Variants in NPHP3 observed in about 807,000 individuals in gnomAD.
The protein encoded by NPHP3 is nephrocystin 3.
A neutral mutation model predicts 171.9 loss-of-function variants in NPHP3; 123 were observed. That is an observed-to-expected ratio of 0.72 (90% confidence interval 0.62 to 0.83). The LOEUF (loss-of-function observed/expected upper bound fraction) is 0.83. NPHP3 is among the 40% of genes least tolerant of loss of function. The pLI, the probability that NPHP3 is intolerant of heterozygous loss-of-function variation, is 0.00. For synonymous variants in NPHP3, 558 were observed against 579.2 expected (o/e 0.96, Z 0.52); for missense variants, 1,506 against 1,591.9 (o/e 0.95, Z 0.92).
chr3:132,686,285 G>C lies in NPHP3; in HGVS notation c.3304C>G (p.Leu1102Val), dbSNP rs779376432. 20 of 1,613,606 alleles carry C rather than the reference G, an allele frequency of 1.2e-5. No homozygotes were observed. The highest frequency in any genetic ancestry group is 1.7e-5 in the Non-Finnish European group (20 of 1,179,710). ...NARTLNELGV[L>V]YYLQNNLETA... Reference sequence around the variant, plus strand: ...TCCAGGTTATTTTGAAGATAGTAGAGAACACCCAGTTCATTGAGGGTCCGA... The same window carrying C: ...TCCAGGTTATTTTGAAGATAGTAGACAACACCCAGTTCATTGAGGGTCCGA... The change falls in exon 23 of 27, where the codon CTC becomes GTC. Residue 1102 changes from leucine to valine, a missense_variant. Physicochemically the swap from Leu to Val is conservative, Grantham distance 32. Coordinates refer to ENST00000337331, the MANE Select transcript of NPHP3 (RefSeq NM_153240.5).
chr3:132,686,754 T>C (rs977927544), intron 22 of NPHP3, among the ~76,000 whole-genome samples: 9 of 152,194 alleles, frequency 5.9e-5, no homozygotes, highest in Non-Finnish European at 1.3e-4. Context: ...TAAAGAAATA[T>C]GCTACATTTA....
At chr3:132,695,686 G>C (rs1939434727) in intron 15 of NPHP3, among the ~76,000 whole-genome samples, 2 of 152,128 alleles carry the variant, frequency 1.3e-5, no homozygotes, top group African/African-American at 4.8e-5. Flanking sequence ...TGTAATCCCA[G>C]CACTTTGGGA....
chr3:132,710,606 G>A (rs180763734), intron 6 of NPHP3, among the ~76,000 whole-genome samples: 4 of 152,262 alleles, frequency 2.6e-5, no homozygotes, highest in Admixed American at 2.6e-4. Context: ...GGCCAATCAT[G>A]AGCAAAGAAT....
At chr3:132,705,344 C>T (rs1302733558) in intron 8 of NPHP3, among the ~76,000 whole-genome samples, 2 of 152,174 alleles carry the variant, frequency 1.3e-5, no homozygotes, top group Non-Finnish European at 2.9e-5. Context: ...GGCATGCTTT[C>T]ATCCCCCTCT....
chr3:132,684,736 C>T lies in NPHP3; in HGVS notation c.3388G>A (p.Asp1130Asn). Residue 1130 changes from aspartate to asparagine, a missense_variant, in exon 24 of 27, where the codon GAT becomes AAT. Around this residue, in one of 3 missense-constraint regions of NPHP3, gnomAD observed 569 missense variants for 648.1 expected, o/e 0.88. Transcript: ENST00000337331. ...LEMRERVLGP[D>N]HPDCAQSLNN... ...AAAGACTGAGCACAGTCAGGGTGAT[C>T]TGGTCCTAGAACTCGCTCCCTCATT... The T allele has an allele frequency of 6.2e-7, 1 of 1,614,042 alleles. No individual in the cohort carries two copies. The highest frequency in any genetic ancestry group is 1.1e-5 in the South Asian group (1 of 91,078).
rs1165579032 is a variant in NPHP3, at chr3:132,686,380, A to G, written c.3209T>C (p.Phe1070Ser). 6.2e-7 allele frequency: 1 copy of G among 1,614,116 alleles called. No individual in the cohort carries two copies. The highest frequency in any genetic ancestry group is 8.5e-7 in the Non-Finnish European group (1 of 1,179,984). ...TAAAGCCCGTCTACGTAAAAGGGCA[A>G]ATCCGTACTGCAGCAAACATGAAAA... is the stretch of plus-strand genomic sequence containing the variant. ...AIKKKGNLYG[F>S]ALLRRRALQL... Residue 1070 changes from phenylalanine (F) to serine (S), a missense_variant, in exon 23 of 27, where the codon TTT becomes TCT. Coordinates refer to ENST00000337331, the MANE Select transcript of NPHP3 (RefSeq NM_153240.5).
At chr3:132,711,898 A>G (rs1939919780) in intron 6 of NPHP3, among the ~76,000 whole-genome samples, 1 of 152,224 alleles carries the variant, frequency 6.6e-6, no homozygotes, top group Admixed American at 6.5e-5. Context: ...CCCGGCCACT[A>G]GGCAAAGTCT....
chr3:132,722,344 G>A lies in NPHP3; in HGVS notation c.12C>T (p.Ala4=). 1 of 1,577,678 alleles carries A rather than the reference G, an allele frequency of 6.3e-7. No homozygotes were observed. Among genetic ancestry groups the A allele is most frequent in the Non-Finnish European group, 8.5e-7 (1 of 1,171,204 alleles). Residue 4 remains alanine (A), a synonymous_variant, in exon 1 of 27, where the codon GCC becomes GCT. Transcript: ENST00000337331. MGT[A]SSLVSPAGGE... ...CGCCCGCGGGGCTCACGAGCGACGA[G>A]GCGGTCCCCATGGCGTCCGTTGCCG...
chr3:132,712,175 T>A (rs766194303), intron 6 of NPHP3, among the ~76,000 whole-genome samples: 2 of 152,232 alleles, frequency 1.3e-5, no homozygotes, highest in Admixed American at 1.3e-4. Flanking sequence ...TATAAGAACA[T>A]TGTTCACTTT....
Position 132,716,183 on chromosome 3 carries a change from A to C in NPHP3, c.823+574T>G, listed in dbSNP as rs576285577. The stretch of plus-strand genomic sequence containing the variant: ...TAAAAGATTGGATACCCCTGCTTTA[A>C]ATAATCTCTAGTTATTTACAATACC... On this transcript the variant is annotated intron_variant, in intron 4 of 26. Transcript: ENST00000337331. Among the ~76,000 whole-genome samples the C allele has an allele frequency of 5.3e-5, 8 of 152,336 alleles. No homozygotes were observed. The East Asian group carries it at 1.5e-3, about 29-fold the overall frequency.
intron 7 of NPHP3, among the ~76,000 whole-genome samples, chr3:132,706,172 A>G (rs1939744590): frequency 6.6e-6 from 1 of 152,096 alleles, no homozygotes; most frequent in South Asian, 2.1e-4. Flanking sequence ...ATCCTGGCTA[A>G]CATGGTGAAA....
chr3:132,718,394 C>T (rs1347186412), intron 3 of NPHP3, among the ~76,000 whole-genome samples: 3 of 152,116 alleles, frequency 2.0e-5, no homozygotes, highest in Non-Finnish European at 4.4e-5. Flanking sequence ...GAATAGTTCA[C>T]AAGGCTATAC....
chr3:132,705,562 C>T, intron 8 of NPHP3, 178 bp downstream of exon 8: 1 of 510,440 alleles, frequency 2.0e-6, no homozygotes, highest in Non-Finnish European at 3.6e-6. Flanking sequence ...GATATTAATA[C>T]ATGGTCCTAG....
intron 7 of NPHP3, among the ~76,000 whole-genome samples, chr3:132,707,227 A>G (rs982214909): frequency 2.0e-5 from 3 of 152,188 alleles, no homozygotes; most frequent in South Asian, 2.1e-4. Flanking sequence ...GCTTTCCCCA[A>G]TGCTCTTAGG....
rs374706530 is a variant in NPHP3 at position 132,689,554 on chromosome 3, C to T, written c.2694-291G>A. ...ATTATGGCACACAGTAAGTACTCCA[C>T]GGTGTTGGCTGTTATCCTTAATACC... On this transcript the variant is annotated intron_variant, in intron 19 of 26. Coordinates refer to ENST00000337331, the MANE Select transcript of NPHP3 (RefSeq NM_153240.5). Among the ~76,000 whole-genome samples, 539 of 152,270 alleles carry T rather than the reference C, an allele frequency of 3.5e-3. 4 individuals are homozygous for T. Among genetic ancestry groups the T allele is most frequent in the South Asian group, 0.015 (73 of 4,818 alleles).
rs373629178 is a variant in NPHP3, at chr3:132,700,646, A to G, written c.1629-198T>C. Among the ~76,000 whole-genome samples the G allele has an allele frequency of 1.1e-4, 16 of 152,326 alleles. No homozygotes were observed. The East Asian group carries it at 1.5e-3, about 15-fold the overall frequency. On this transcript the variant is annotated intron_variant, in intron 10 of 26. Coordinates refer to ENST00000337331, the MANE Select transcript of NPHP3 (RefSeq NM_153240.5). ...TAAATAATCTTTTAAAAAATTGTAGATTCATTTTAATTACAAATAGATGTT... is the reference window on the plus strand; with the variant it reads ...TAAATAATCTTTTAAAAAATTGTAGGTTCATTTTAATTACAAATAGATGTT...
intron 13 of NPHP3, 30 bp from the exon 14 acceptor site, chr3:132,697,392 T>C: frequency 7.1e-7 from 1 of 1,409,574 alleles, no homozygotes; most frequent in Admixed American, 1.7e-5. Flanking sequence ...AAAATGAAAT[T>C]TTAATAATAC....
Position 132,688,808 on chromosome 3 carries a change from G to A in NPHP3, c.2967C>T (p.His989=). 2 of 1,614,078 alleles carry A rather than the reference G, an allele frequency of 1.2e-6. No homozygotes were observed. The highest frequency in any genetic ancestry group is 1.7e-6 in the Non-Finnish European group (2 of 1,179,990). The stretch of plus-strand genomic sequence containing the variant: ...ACTGCACGTATACACTTGCTAGTTG[G>A]TGGAGGGACTGGGCTACTCTTGGGT... The part of the protein sequence containing the change: ...PDHPRVAQSL[H]QLASVYVQWK... Residue 989 remains histidine, a synonymous_variant, in exon 21 of 27, where the codon CAC becomes CAT. Coordinates refer to ENST00000337331, the MANE Select transcript of NPHP3 (RefSeq NM_153240.5).
rs1241172504 is a variant in NPHP3 at position 132,694,869 on chromosome 3, C to A, written c.2268G>T (p.Arg756=). 1.2e-6 allele frequency: 2 copies of A among 1,613,552 alleles called. No homozygotes were observed. Among genetic ancestry groups the A allele is most frequent in the Non-Finnish European group, 1.7e-6 (2 of 1,179,892 alleles). Residue 756 remains arginine (R), a synonymous_variant, in exon 16 of 27, where the codon CGG becomes CGT. Coordinates refer to ENST00000337331, the MANE Select transcript of NPHP3 (RefSeq NM_153240.5). ...TATCCACATCATTTGCCATGGACTC[C>A]CGGATAGAGTGCAGAACAAGTCTAT... is the stretch of plus-strand genomic sequence containing the variant. ...SLYRLVLHSI[R]ESMANDVDKE... is the part of the protein sequence containing the mutation.
Sources: gnomAD v4.1 joint callset for allele counts (sites outside exome capture counted in the v4.1 genomes callset) on GRCh38, gnomAD v4.1.1 for gene constraint, gnomAD v4.1.1 regional missense constraint, MANE v1.5 for transcripts, NCBI Gene and HGNC (gene_info 2026-07-23, HGNC 2026-07-21) for gene names.